Variants in GTF2H2C observed in about 807,000 individuals in gnomAD.
GTF2H2C encodes the protein general transcription factor IIH subunit 2-like protein.
A neutral mutation model predicts 24.8 loss-of-function variants in GTF2H2C; 5 were observed. That is an observed-to-expected ratio of 0.20 (90% CI 0.11 to 0.42). The LOEUF (loss-of-function observed/expected upper bound fraction) is 0.42, where lower values mean the gene tolerates loss of function less well. GTF2H2C is among the 20% of genes least tolerant of loss of function. GTF2H2C has a pLI of 1.00. For synonymous variants in GTF2H2C, 14 were observed against 52.6 expected, an observed-to-expected ratio of 0.27 and a Z score of 3.18; for missense variants, 45 against 169.8, an observed-to-expected ratio of 0.27 and a Z score of 4.08.
chr5:69,562,204 A>AGC, intron 1 of GTF2H2C, among the ~76,000 whole-genome samples: 1 of 152,222 alleles, frequency 6.6e-6, no homozygotes, highest in Non-Finnish European at 1.5e-5. Flanking sequence ...TTGTAATCCC[A>AGC]GCTACTCGGG....
chr5:69,563,716 T>C (rs1227660008), intron 2 of GTF2H2C, among the ~76,000 whole-genome samples: 1 of 152,068 alleles, frequency 6.6e-6, no homozygotes, highest in Non-Finnish European at 1.5e-5. Flanking sequence ...TAGTCTCCAA[T>C]GTCTGTTGTT....
intron 15 of GTF2H2C, among the ~76,000 whole-genome samples, chr5:69,589,999 G>C (rs1441001964): frequency 3.7e-5 from 5 of 133,956 alleles, no homozygotes; most frequent in Non-Finnish European, 6.3e-5. Context: ...ATTCTCCTGC[G>C]TCAGCCTCCT....
intron 12 of GTF2H2C, among the ~76,000 whole-genome samples, chr5:69,580,916 A>G (rs1580647232): frequency 1.2e-5 from 1 of 81,842 alleles, no homozygotes; most frequent in Non-Finnish European, 2.4e-5. Context: ...TTTGAGATGG[A>G]GTCTCATTCT....
chr5:69,573,186 A>G (rs981610045), intron 9 of GTF2H2C, among the ~76,000 whole-genome samples: 27 of 142,434 alleles, frequency 1.9e-4, no homozygotes, highest in Non-Finnish European at 3.5e-4. Context: ...ACACACACGT[A>G]TATATATATA....
chr5:69,562,979 A>AT (rs1456628019), intron 2 of GTF2H2C, among the ~76,000 whole-genome samples: 3 of 133,056 alleles, frequency 2.3e-5, no homozygotes, highest in African/African-American at 8.6e-5. Flanking sequence ...GCAGGGTCTC[A>AT]TTCTGTTGCC....
At chr5:69,564,900 A>T (rs1194997479) in intron 2 of GTF2H2C, among the ~76,000 whole-genome samples, 200 bp from the exon 3 acceptor site, 8 of 152,142 alleles carry the variant, frequency 5.3e-5, no homozygotes, top group African/African-American at 1.4e-4. Flanking sequence ...AAGTTTGTGT[A>T]TAAGTTCATA....
chr5:69,580,753 TA>T (rs953359891), intron 12 of GTF2H2C, among the ~76,000 whole-genome samples: 29 of 137,492 alleles, frequency 2.1e-4, no homozygotes, highest in Non-Finnish European at 3.9e-4. Flanking sequence ...TAAAATAAAA[TA>T]AAAATAAAAT....
At chr5:69,562,215 A>G (rs1414084505) in intron 1 of GTF2H2C, among the ~76,000 whole-genome samples, 4 of 152,200 alleles carry the variant, frequency 2.6e-5, no homozygotes, top group Non-Finnish European at 4.4e-5. Flanking sequence ...GCTACTCGGG[A>G]GGCTGAGGCA....
intron 8 of GTF2H2C, 110 bp downstream of exon 8, chr5:69,568,317 G>C: frequency 2.5e-6 from 1 of 393,584 alleles, no homozygotes; most frequent in South Asian, 2.9e-5. Flanking sequence ...TGGTTCCTCT[G>C]TCTTCTCTAG....
rs1580662106 is a variant in GTF2H2C, at chr5:69,594,045, G to T, written c.*1847G>T. ...GGTACTCTAACTTGAGTTTCACTAT[G>T]AAATTTGTGATTTTTTTTTTTTTTT... On this transcript the variant is annotated 3_prime_UTR_variant, in exon 17 of 17. Transcript: ENST00000380729. Among the ~76,000 whole-genome samples the T allele has an allele frequency of 1.4e-5, 1 of 72,338 alleles. No individual in the cohort carries two copies. Among genetic ancestry groups the T allele is most frequent in the Non-Finnish European group, 2.8e-5 (1 of 35,232 alleles). The allele number at this position is 72,338 out of a possible 152,430, so 47.5% of individuals were successfully genotyped here.
At chr5:69,564,039 G>A (rs535684297) in intron 2 of GTF2H2C, among the ~76,000 whole-genome samples, 1 of 150,946 alleles carries the variant, frequency 6.6e-6, no homozygotes, top group African/African-American at 2.4e-5. Context: ...GGCCTCCCAA[G>A]TGCTAGGATT....
At chr5:69,561,853 C>G (rs1371989482) in intron 1 of GTF2H2C, among the ~76,000 whole-genome samples, 1 of 151,680 alleles carries the variant, frequency 6.6e-6, no homozygotes, top group East Asian at 1.9e-4. Flanking sequence ...CCAGGCTGAT[C>G]TGAGCGCCTG....
intron 16 of GTF2H2C, among the ~76,000 whole-genome samples, chr5:69,591,455 ATTC>A (rs1771982343): frequency 4.3e-5 from 6 of 141,000 alleles, no homozygotes; most frequent in Middle Eastern, 7.2e-3. Flanking sequence ...TTATTTATTC[ATTC>A]TTTTTTTTTT....
At chr5:69,563,799 C>T (rs1365552269) in intron 2 of GTF2H2C, among the ~76,000 whole-genome samples, 2 of 151,984 alleles carry the variant, frequency 1.3e-5, no homozygotes, top group Non-Finnish European at 2.9e-5. Flanking sequence ...CTTTGGTTTT[C>T]TGTTGCTGTT....
At chr5:69,582,723 T>A (rs1771670604) in intron 13 of GTF2H2C, among the ~76,000 whole-genome samples, 1 of 26,340 alleles carries the variant, frequency 3.8e-5, no homozygotes, top group Non-Finnish European at 8.8e-5. Flanking sequence ...GGGAAATTTT[T>A]TTTTTTAATG....
intron 8 of GTF2H2C, 191 bp downstream of exon 8, chr5:69,568,398 G>T (rs1191570217): frequency 1.6e-5 from 8 of 503,408 alleles, no homozygotes; most frequent in Non-Finnish European, 2.8e-5. Context: ...TCTAAATTGA[G>T]TTCTGCATCA....
chr5:69,590,105 G>T (rs902449743), intron 15 of GTF2H2C, among the ~76,000 whole-genome samples: 1 of 150,388 alleles, frequency 6.6e-6, no homozygotes, highest in African/African-American at 2.4e-5. Flanking sequence ...GGCTGGTCAC[G>T]AACTCCTGAC....
chr5:69,573,026 T>C (rs1344312202), intron 9 of GTF2H2C, among the ~76,000 whole-genome samples: 1 of 129,456 alleles, frequency 7.7e-6, no homozygotes, highest in Non-Finnish European at 1.6e-5. Context: ...AGTTAAAGCT[T>C]ATATATATAT....
chr5:69,573,279 G>C (rs1279126234), intron 9 of GTF2H2C, among the ~76,000 whole-genome samples: 1 of 123,716 alleles, frequency 8.1e-6, no homozygotes, highest in Non-Finnish European at 1.7e-5. Context: ...TCCACCTCTG[G>C]GTTCAAGTGA....
Sources: allele counts gnomAD v4.1 joint callset (sites outside exome capture counted in the v4.1 genomes callset), GRCh38; gene constraint gnomAD v4.1.1; transcripts MANE v1.5; gene names NCBI Gene and HGNC (gene_info 2026-07-23, HGNC 2026-07-21).